KCNN3: variants seen among roughly 807,000 people sequenced by gnomAD.
The protein encoded by KCNN3 is potassium calcium-activated channel subfamily N member 3.
A neutral mutation model predicts 62.9 loss-of-function variants in KCNN3; 16 were observed. That is an observed-to-expected ratio of 0.25 (90% CI 0.17 to 0.39). The LOEUF (loss-of-function observed/expected upper bound fraction) is 0.39, where lower values mean the gene tolerates loss of function less well. KCNN3 is among the 10% of genes least tolerant of loss of function. KCNN3 has a pLI of 1.00. For missense variants in KCNN3, 599 were observed against 949.4 expected (o/e 0.63, Z 4.85); for synonymous variants, 370 against 389.2 (o/e 0.95, Z 0.58).
At chr1:154,765,795 G>GT (rs149164423) in intron 3 of KCNN3, among the ~76,000 whole-genome samples, 19,585 of 149,408 alleles carry the variant, frequency 0.13, 1,649 homozygotes, top group Non-Finnish European at 0.19. Context: ...TGTTTTTTTT[G>GT]GTTTTTTTTT....
chr1:154,793,849 G>A (rs1171668682), intron 2 of KCNN3, among the ~76,000 whole-genome samples: 1 of 152,188 alleles, frequency 6.6e-6, no homozygotes. Flanking sequence ...AGTCAGTGTG[G>A]AGGCGGATTC....
At chr1:154,740,541 C>T (rs1373688877) in intron 3 of KCNN3, among the ~76,000 whole-genome samples, 1 of 152,220 alleles carries the variant, frequency 6.6e-6, no homozygotes, top group Non-Finnish European at 1.5e-5. Context: ...AGGATATGTA[C>T]ATATTTCACT....
intron 3 of KCNN3, among the ~76,000 whole-genome samples, chr1:154,737,693 T>A (rs1700741340): frequency 6.6e-6 from 1 of 151,478 alleles, no homozygotes; most frequent in African/African-American, 2.4e-5. Flanking sequence ...AAAGTCTTCC[T>A]AGAGGGGCTG....
chr1:154,743,809 T>C (rs1248739833), intron 3 of KCNN3, among the ~76,000 whole-genome samples: 1 of 152,152 alleles, frequency 6.6e-6, no homozygotes, highest in African/African-American at 2.4e-5. Context: ...TAAGGTAGGC[T>C]GGGCTAAGCT....
chr1:154,837,984 A>G (rs1032300159), intron 1 of KCNN3, among the ~76,000 whole-genome samples: 4 of 152,190 alleles, frequency 2.6e-5, no homozygotes, highest in Non-Finnish European at 4.4e-5. Context: ...AGGAGAAGCC[A>G]GGCAGGCCTG....
At chr1:154,726,855 C>G (rs1411513491) in intron 4 of KCNN3, among the ~76,000 whole-genome samples, 3 of 152,152 alleles carry the variant, frequency 2.0e-5, no homozygotes, top group African/African-American at 7.2e-5. Flanking sequence ...GCCAGGGGAG[C>G]CCGGGGGAGG....
intron 1 of KCNN3, among the ~76,000 whole-genome samples, chr1:154,851,184 G>A (rs1458227425): frequency 1.3e-5 from 2 of 152,040 alleles, no homozygotes; most frequent in African/African-American, 4.8e-5. Context: ...TCACCATGTT[G>A]GCCAGGTTGG....
At chr1:154,865,910 T>C (rs760605679) in intron 1 of KCNN3, among the ~76,000 whole-genome samples, 21 of 152,204 alleles carry the variant, frequency 1.4e-4, no homozygotes, top group Non-Finnish European at 2.6e-4. Flanking sequence ...AATTACCTAA[T>C]CTGCCTGGTA....
intron 6 of KCNN3, 66 bp from the exon 7 acceptor site, chr1:154,713,599 A>G: frequency 1.5e-6 from 2 of 1,323,048 alleles, no homozygotes; most frequent in South Asian, 1.2e-5. Context: ...CCACCAGCAG[A>G]TCCTCCAGCC....
chr1:154,867,354 A>G (rs1652994320), intron 1 of KCNN3, among the ~76,000 whole-genome samples: 2 of 152,212 alleles, frequency 1.3e-5, no homozygotes, highest in African/African-American at 4.8e-5. Context: ...GCTCGCTGAG[A>G]CGCTCATCCT....
chr1:154,743,285 C>T (rs573002380), intron 3 of KCNN3, among the ~76,000 whole-genome samples: 1 of 152,354 alleles, frequency 6.6e-6, no homozygotes, highest in South Asian at 2.1e-4. Flanking sequence ...AGTTGCCTCA[C>T]TGGCCTCCCT....
At chr1:154,850,431 C>T (rs906595) in intron 1 of KCNN3, among the ~76,000 whole-genome samples, 71,509 of 152,038 alleles carry the variant, frequency 0.47, 19,089 homozygotes, top group East Asian at 0.96. Context: ...GCCCGGGTGC[C>T]AGCATCAGAC....
rs1394715041 is a variant in KCNN3, at chr1:154,702,708, T to G, written c.*5268A>C. 9 of 71,364 alleles carry G rather than the reference T, an allele frequency of 1.3e-4. No homozygotes were observed. Among genetic ancestry groups the G allele is most frequent in the African/African-American group, 7.0e-4 (8 of 11,498 alleles). 4.4% of individuals were successfully genotyped at this position (71,364 alleles called of 1,614,324 possible). On this transcript the variant is annotated 3_prime_UTR_variant, in exon 8 of 8. Coordinates refer to ENST00000271915, the MANE Select transcript of KCNN3 (RefSeq NM_002249.6). ...TGCTTCGATCTGATTCAGATATATA[T>G]ATATATATATATATATATATATATA... is the stretch of plus-strand genomic sequence containing the variant.
intron 2 of KCNN3, among the ~76,000 whole-genome samples, chr1:154,794,851 T>G (rs868572735): frequency 1.3e-5 from 2 of 152,152 alleles, no homozygotes; most frequent in Non-Finnish European, 1.5e-5. Flanking sequence ...GGGAACCCAG[T>G]AGCGAGCCTG....
chr1:154,744,612 G>A (rs192151140), intron 3 of KCNN3, among the ~76,000 whole-genome samples: 1 of 152,338 alleles, frequency 6.6e-6, no homozygotes, highest in East Asian at 1.9e-4. Context: ...TGAAAGGAAA[G>A]AGACTTTCAT....
At chr1:154,837,513 C>G (rs1490689442) in intron 1 of KCNN3, among the ~76,000 whole-genome samples, 4 of 152,118 alleles carry the variant, frequency 2.6e-5, no homozygotes, top group Non-Finnish European at 5.9e-5. Context: ...CCTCCTGGTT[C>G]CTCACCCTGG....
At chr1:154,867,811 G>C in intron 1 of KCNN3, 1 of 233,462 alleles carries the variant, frequency 4.3e-6, no homozygotes, top group South Asian at 1.6e-4. Context: ...CAAACATTAC[G>C]CACATACACA....
At chr1:154,779,241 T>C (rs78416693) in intron 2 of KCNN3, among the ~76,000 whole-genome samples, 2,054 of 152,324 alleles carry the variant, frequency 0.013, 43 homozygotes, top group African/African-American at 0.047. Context: ...TGCTTTGTTA[T>C]GCAACAAAAC....
At chr1:154,757,305 G>A (rs986367044) in intron 3 of KCNN3, among the ~76,000 whole-genome samples, 3 of 152,206 alleles carry the variant, frequency 2.0e-5, no homozygotes, top group Non-Finnish European at 2.9e-5. Flanking sequence ...GCTAAAGCTG[G>A]AAACAGGACA....
Sources: allele counts gnomAD v4.1 joint callset (sites outside exome capture counted in the v4.1 genomes callset), GRCh38; gene constraint gnomAD v4.1.1; transcripts MANE v1.5; gene names NCBI Gene and HGNC (gene_info 2026-07-23, HGNC 2026-07-21).